Variants in BRINP2 observed in about 807,000 individuals in gnomAD.
BRINP2 encodes the protein BMP/retinoic acid inducible neural specific 2.
Under a neutral mutation model 69.2 loss-of-function variants are expected in BRINP2, and 21 were observed. The ratio of observed to expected loss-of-function variants is 0.30; its 90% CI spans 0.22 to 0.44. BRINP2 has a LOEUF of 0.44. BRINP2 is among the 20% of genes least tolerant of loss of function. The pLI, the probability that BRINP2 is intolerant of heterozygous loss-of-function variation, is 1.00. For synonymous variants in BRINP2, 380 were observed against 394.1 expected, an observed-to-expected ratio of 0.96 and a Z score of 0.42; for missense variants, 877 against 986.0, an observed-to-expected ratio of 0.89 and a Z score of 1.48.
At chr1:177,215,370 C>A (rs1416935437) in intron 1 of BRINP2, among the ~76,000 whole-genome samples, 2 of 152,100 alleles carry the variant, frequency 1.3e-5, no homozygotes, top group African/African-American at 4.8e-5. Flanking sequence ...AACATTTATT[C>A]TTTTAATTCA....
chr1:177,276,000 C>T (rs1270362207), intron 5 of BRINP2, among the ~76,000 whole-genome samples, 198 bp from the exon 6 acceptor site: 1 of 152,196 alleles, frequency 6.6e-6, no homozygotes, highest in African/African-American at 2.4e-5. Context: ...ATTTTCAGAT[C>T]CTCCCCCATC....
intron 1 of BRINP2, among the ~76,000 whole-genome samples, chr1:177,176,292 A>G (rs1408782937): frequency 6.6e-6 from 1 of 152,168 alleles, no homozygotes; most frequent in African/African-American, 2.4e-5. Flanking sequence ...CTTGAAATGT[A>G]TGCTGTAAAT....
chr1:177,184,616 T>C (rs1648372500), intron 1 of BRINP2, among the ~76,000 whole-genome samples: 1 of 151,596 alleles, frequency 6.6e-6, no homozygotes, highest in Non-Finnish European at 1.5e-5. Context: ...AATTATAAAC[T>C]ATAAACATTT....
intron 1 of BRINP2, among the ~76,000 whole-genome samples, chr1:177,201,508 A>G (rs1167264577): frequency 6.6e-6 from 1 of 152,244 alleles, no homozygotes; most frequent in Admixed American, 6.5e-5. Context: ...AGTAACAAAC[A>G]CTTTGCTTAG....
intron 7 of BRINP2, among the ~76,000 whole-genome samples, chr1:177,280,176 C>T (rs920286672): frequency 6.6e-6 from 1 of 152,180 alleles, no homozygotes; most frequent in Non-Finnish European, 1.5e-5. Flanking sequence ...CCTTGTTGCT[C>T]TCAGTACAAA....
intron 1 of BRINP2, among the ~76,000 whole-genome samples, chr1:177,214,809 G>C (rs1649329984): frequency 6.6e-6 from 1 of 152,016 alleles, no homozygotes; most frequent in Admixed American, 6.6e-5. Context: ...ATATATTTAT[G>C]GGGCAAAAAG....
chr1:177,277,696 G>T (rs1651544606), intron 6 of BRINP2, among the ~76,000 whole-genome samples: 1 of 152,024 alleles, frequency 6.6e-6, no homozygotes, highest in South Asian at 2.1e-4. Flanking sequence ...CAGTCCCCAG[G>T]CTCATGCTTT....
Position 177,222,930 on chromosome 1 carries a change from A to G in BRINP2, c.-76-6871A>G, listed in dbSNP as rs188950715. ...TTTCTTAATGATGGAGGAGGATGGA[A>G]ATGGTTTTGAGGAAGGTTGATCTGC... is the stretch of plus-strand genomic sequence containing the variant. On this transcript the variant is annotated intron_variant, in intron 1 of 7. Coordinates refer to ENST00000361539, the MANE Select transcript of BRINP2 (RefSeq NM_021165.4). 3.0e-3 allele frequency among the ~76,000 whole-genome samples: 459 copies of G among 152,210 alleles called. 9 individuals carry two copies. The highest frequency in any genetic ancestry group is 0.011 in the East Asian group (55 of 5,156).
intron 1 of BRINP2, among the ~76,000 whole-genome samples, chr1:177,200,025 G>T (rs1648855678): frequency 1.3e-5 from 2 of 151,954 alleles, no homozygotes; most frequent in Non-Finnish European, 2.9e-5. Flanking sequence ...CCAGGTGTGG[G>T]ACACACCTGT....
intron 5 of BRINP2, among the ~76,000 whole-genome samples, chr1:177,274,578 A>G (rs1216700464): frequency 6.6e-6 from 1 of 152,350 alleles, no homozygotes; most frequent in Non-Finnish European, 1.5e-5. Flanking sequence ...GTGTCTGGAA[A>G]GTAGCAGTGA....
At chr1:177,271,334 A>G (rs1169398616) in intron 4 of BRINP2, among the ~76,000 whole-genome samples, 1 of 152,206 alleles carries the variant, frequency 6.6e-6, no homozygotes, top group African/African-American at 2.4e-5. Flanking sequence ...TAACATTCTG[A>G]GGAGAGAAGA....
At chr1:177,213,838 A>G (rs1466569928) in intron 1 of BRINP2, among the ~76,000 whole-genome samples, 1 of 152,212 alleles carries the variant, frequency 6.6e-6, no homozygotes, top group African/African-American at 2.4e-5. Context: ...TGTCCTAGCT[A>G]AATGGAATGT....
In BRINP2 at chr1:177,280,319, C is replaced by T. The variant is rs906108217; in HGVS notation, c.1236-93C>T. On this transcript the variant is annotated intron_variant, in intron 7 of 7. Coordinates refer to ENST00000361539, the MANE Select transcript of BRINP2 (RefSeq NM_021165.4). ...GGATTTTATTTTCCTCATTGCCTTC[C>T]ACGCCTAGTGGTCAATGTCTTGCTG... 10 of 1,274,344 alleles carry T rather than the reference C, an allele frequency of 7.8e-6. No homozygotes were observed. In the South Asian group the frequency reaches 1.4e-4, roughly 18 times the overall value. The allele number at this position is 1,274,344 out of a possible 1,614,324, so 78.9% of individuals were successfully genotyped here.
intron 2 of BRINP2, among the ~76,000 whole-genome samples, chr1:177,244,813 A>G (rs1212290994): frequency 6.6e-6 from 1 of 152,186 alleles, no homozygotes; most frequent in Non-Finnish European, 1.5e-5. Flanking sequence ...AGCAGTTCTC[A>G]TAGTAAGGGC....
chr1:177,220,403 C>T (rs528278660), intron 1 of BRINP2, among the ~76,000 whole-genome samples: 5 of 152,182 alleles, frequency 3.3e-5, no homozygotes, highest in East Asian at 3.9e-4. Context: ...TCTGAGTTCA[C>T]GCCTATCTGT....
chr1:177,234,164 A>G (rs1649945712), intron 2 of BRINP2, among the ~76,000 whole-genome samples: 1 of 152,180 alleles, frequency 6.6e-6, no homozygotes, highest in Non-Finnish European at 1.5e-5. Context: ...GCTCCATTCC[A>G]TAGCCCCCAC....
chr1:177,203,975 A>G (rs572290688), intron 1 of BRINP2, among the ~76,000 whole-genome samples: 1 of 152,328 alleles, frequency 6.6e-6, no homozygotes, highest in South Asian at 2.1e-4. Context: ...GCTAAGAGAT[A>G]AGGGGACAGA....
chr1:177,273,777 G>T (rs1371769513), intron 5 of BRINP2, among the ~76,000 whole-genome samples, 184 bp downstream of exon 5: 1 of 152,118 alleles, frequency 6.6e-6, no homozygotes, highest in Non-Finnish European at 1.5e-5. Flanking sequence ...GAAACCTTCT[G>T]GTATGGTTTG....
intron 2 of BRINP2, among the ~76,000 whole-genome samples, chr1:177,244,012 G>A (rs1053368617): frequency 5.3e-5 from 8 of 152,294 alleles, no homozygotes; most frequent in African/African-American, 1.9e-4. Flanking sequence ...GTGAGCCCAG[G>A]AGGAAAATGG....
Sources: gnomAD v4.1 joint callset for allele counts (sites outside exome capture counted in the v4.1 genomes callset) on GRCh38, gnomAD v4.1.1 for gene constraint, MANE v1.5 for transcripts, NCBI Gene and HGNC (gene_info 2026-07-23, HGNC 2026-07-21) for gene names.